SPCS2: variants seen among roughly 807,000 people sequenced by gnomAD.
SPCS2 encodes the protein SPase 25 kDa subunit.
Under a neutral mutation model 22.3 loss-of-function variants are expected in SPCS2, and 3 were observed. The observed-to-expected ratio is 0.13, with a 90% CI of 0.06 to 0.35. The LOEUF (loss-of-function observed/expected upper bound fraction) is 0.35. Ranked by LOEUF, SPCS2 falls within the 10% of genes least tolerant of loss-of-function variation. The pLI is 1.00. For missense variants in SPCS2, 169 were observed against 280.9 expected, an observed-to-expected ratio of 0.60 and a Z score of 2.85; for synonymous variants, 67 against 97.2, an observed-to-expected ratio of 0.69 and a Z score of 1.83.
chr11:74,964,071 A>G (rs1181816624), intron 1 of SPCS2, among the ~76,000 whole-genome samples: 1 of 152,210 alleles, frequency 6.6e-6, no homozygotes, highest in East Asian at 1.9e-4. Flanking sequence ...CTCTACCCTG[A>G]TAAGATATCT....
intron 3 of SPCS2, among the ~76,000 whole-genome samples, chr11:74,967,174 C>T (rs1948551828): frequency 6.6e-6 from 1 of 152,184 alleles, no homozygotes; most frequent in South Asian, 2.1e-4. Context: ...AGAAGTGGCA[C>T]CAGGTGATCC....
intron 4 of SPCS2, among the ~76,000 whole-genome samples, chr11:74,976,014 TG>T: frequency 6.6e-6 from 1 of 152,168 alleles, no homozygotes; most frequent in Non-Finnish European, 1.5e-5. Context: ...AAGGAATCTC[TG>T]GAGTTCATTT....
At chr11:74,974,383 C>T (rs61896304) in intron 4 of SPCS2, among the ~76,000 whole-genome samples, 5,611 of 152,206 alleles carry the variant, frequency 0.037, 143 homozygotes, top group Non-Finnish European at 0.056. Flanking sequence ...AGGTCCAAAA[C>T]CTAACTCATC....
chr11:74,976,832 T>C, intron 4 of SPCS2, 25 bp from the exon 5 acceptor site: 1 of 1,613,332 alleles, frequency 6.2e-7, no homozygotes, highest in Non-Finnish European at 8.5e-7. Context: ...GGTTTTTAAT[T>C]TGTTATCTTT....
chr11:74,965,993 C>CA, intron 3 of SPCS2, 70 bp downstream of exon 3: 3 of 1,434,936 alleles, frequency 2.1e-6, no homozygotes, highest in South Asian at 2.7e-5. Flanking sequence ...TTTCTCCCTA[C>CA]AAAAAACAAA....
rs1289810909 is a variant in SPCS2, at chr11:74,964,962, A to T, written c.115-72A>T. On this transcript the variant is annotated intron_variant, in intron 1 of 4. Transcript: ENST00000263672. Reference sequence around the variant, plus strand: ...TTATATGTGCATGAGGGATGCTCTTAAAAAATGGTTCATTTTACTTTCAGT... The same window carrying T: ...TTATATGTGCATGAGGGATGCTCTTTAAAAATGGTTCATTTTACTTTCAGT... 22 of 1,013,078 alleles carry T rather than the reference A, an allele frequency of 2.2e-5. No homozygotes were observed. The East Asian group carries it at 5.5e-4, about 25-fold the overall frequency. 62.8% of individuals were successfully genotyped at this position (1,013,078 alleles called of 1,614,324 possible).
chr11:74,965,590 T>C (rs1169244013), intron 2 of SPCS2, among the ~76,000 whole-genome samples, 173 bp from the exon 3 acceptor site: 2 of 152,208 alleles, frequency 1.3e-5, no homozygotes, highest in Non-Finnish European at 2.9e-5. Flanking sequence ...ATGAACTTTT[T>C]CTCTTGGTTC....
intron 4 of SPCS2, among the ~76,000 whole-genome samples, chr11:74,975,379 C>T (rs1948609125): frequency 6.6e-6 from 1 of 152,288 alleles, no homozygotes; most frequent in South Asian, 2.1e-4. Context: ...TCTGTTCCCT[C>T]ACACACACTA....
intron 4 of SPCS2, 40 bp downstream of exon 4, chr11:74,969,739 A>G: frequency 6.2e-7 from 1 of 1,612,808 alleles, no homozygotes; most frequent in Non-Finnish European, 8.5e-7. Context: ...CTGGTGTTGG[A>G]TTTGCCCTGG....
chr11:74,964,699 A>C (rs1591738780), intron 1 of SPCS2, among the ~76,000 whole-genome samples: 1 of 152,344 alleles, frequency 6.6e-6, no homozygotes, highest in South Asian at 2.1e-4. Flanking sequence ...TGTGCAGCCC[A>C]TATACGTTTT....
chr11:74,970,920 T>C (rs1228519213), intron 4 of SPCS2, among the ~76,000 whole-genome samples: 1 of 152,234 alleles, frequency 6.6e-6, no homozygotes, highest in Admixed American at 6.5e-5. Flanking sequence ...AAGTACCTAG[T>C]AGTATTTACA....
At chr11:74,976,768 CT>C in intron 4 of SPCS2, 88 bp from the exon 5 acceptor site, 1 of 1,548,826 alleles carries the variant, frequency 6.5e-7, no homozygotes, top group South Asian at 1.2e-5. Flanking sequence ...CAGCTTACTC[CT>C]TTTCTTCGGA....
chr11:74,971,697 C>T (rs1948585470), intron 4 of SPCS2, among the ~76,000 whole-genome samples: 1 of 152,170 alleles, frequency 6.6e-6, no homozygotes, highest in Non-Finnish European at 1.5e-5. Context: ...TCACAGACTA[C>T]TAGTTGCCAC....
intron 3 of SPCS2, among the ~76,000 whole-genome samples, chr11:74,968,602 C>A (rs1363690342): frequency 2.0e-5 from 3 of 151,372 alleles, no homozygotes; most frequent in East Asian, 1.9e-4. Flanking sequence ...TGCAACCCTG[C>A]AACCTCTGCT....
In SPCS2 at chr11:74,969,714, A is replaced by G; in HGVS notation, c.494+15A>G. On this transcript the variant is annotated intron_variant, in intron 4 of 4. Transcript: ENST00000263672. ...AGTCTTAAAAGGTATGACTATCCTC[A>G]CAGATTTTTAAATCCTGGTGTTGGA... 1 of 1,613,306 alleles carries G rather than the reference A, an allele frequency of 6.2e-7. No homozygotes were observed. Among genetic ancestry groups the G allele is most frequent in the Non-Finnish European group, 8.5e-7 (1 of 1,179,460 alleles).
At chr11:74,962,112 T>A (rs1477852620) in intron 1 of SPCS2, among the ~76,000 whole-genome samples, 1 of 152,172 alleles carries the variant, frequency 6.6e-6, no homozygotes, top group African/African-American at 2.4e-5. Flanking sequence ...AATAAAAAGA[T>A]GAGTGGCAAT....
At chr11:74,961,041 A>G (rs1251986956) in intron 1 of SPCS2, among the ~76,000 whole-genome samples, 1 of 152,120 alleles carries the variant, frequency 6.6e-6, no homozygotes, top group African/African-American at 2.4e-5. Context: ...ACATTAAAAA[A>G]AAAAAAAAGC....
rs1359799781 is a variant in SPCS2 at position 74,978,241 on chromosome 11, AC to A, written c.*1201del. On this transcript the variant is annotated 3_prime_UTR_variant, in exon 5 of 5. Transcript: ENST00000263672. ...AACATCAATTTTGGCTGAGCCTAGT[AC>A]CCAACACTATATTCAGTTTGTAAGA... 6.6e-6 allele frequency: 1 copy of A among 152,182 alleles called. No individual in the cohort carries two copies. The highest frequency in any genetic ancestry group is 1.5e-5 in the Non-Finnish European group (1 of 68,040). The allele number at this position is 152,182 out of a possible 1,614,324, so 9.4% of individuals were successfully genotyped here.
In SPCS2 at chr11:74,969,830, G is replaced by C. The variant is rs556991580; in HGVS notation, c.494+131G>C. Reference sequence around the variant, plus strand: ...GGGCTAGTCATATAAAATGAAGAAAGGAGTATGGATGATCTAGAAGGTTTG... The same window carrying C: ...GGGCTAGTCATATAAAATGAAGAAACGAGTATGGATGATCTAGAAGGTTTG... On this transcript the variant is annotated intron_variant, in intron 4 of 4. Coordinates refer to ENST00000263672, the MANE Select transcript of SPCS2 (RefSeq NM_014752.3). The C allele has an allele frequency of 2.3e-4, 256 of 1,091,254 alleles. No individual in the cohort carries two copies. The African/African-American group carries it at 3.7e-3, about 16-fold the overall frequency. 67.6% of individuals were successfully genotyped at this position (1,091,254 alleles called of 1,614,324 possible).
Sources: gnomAD v4.1 joint callset for allele counts (sites outside exome capture counted in the v4.1 genomes callset) on GRCh38, gnomAD v4.1.1 for gene constraint, MANE v1.5 for transcripts, NCBI Gene and HGNC (gene_info 2026-07-23, HGNC 2026-07-21) for gene names.